Variants in CSMD1 observed in about 807,000 individuals in gnomAD.
The protein encoded by CSMD1 is CUB and Sushi multiple domains 1, also known as CUB and sushi domain-containing protein 1.
In CSMD1, 213 loss-of-function variants were observed where a neutral mutation model predicts 417.5. The ratio of observed to expected loss-of-function variants is 0.51; its 90% CI spans 0.46 to 0.57. The LOEUF (loss-of-function observed/expected upper bound fraction) is 0.57, where lower values mean the gene tolerates loss of function less well. CSMD1 is among the 20% of genes least tolerant of loss of function. The pLI is 0.00. For missense variants in CSMD1, 6,923 were observed against 4,529.7 expected (o/e 1.53, Z -15.17); for synonymous variants, 2,862 against 1,736.8 (o/e 1.65, Z -16.11).
chr8:4,081,525 C>T (rs2130814323), intron 3 of CSMD1, among the ~76,000 whole-genome samples: 1 of 152,254 alleles, frequency 6.6e-6, no homozygotes. Flanking sequence ...GGTCCCCCTA[C>T]CAACCACCGG....
intron 10 of CSMD1, among the ~76,000 whole-genome samples, chr8:3,522,052 A>G (rs1425759594): frequency 6.6e-6 from 1 of 152,114 alleles, no homozygotes; most frequent in African/African-American, 2.4e-5. Context: ...TGTGTGAATA[A>G]TTTTTCTCCT....
At chr8:3,509,444 T>G (rs942849584) in intron 10 of CSMD1, among the ~76,000 whole-genome samples, 1 of 152,222 alleles carries the variant, frequency 6.6e-6, no homozygotes, top group African/African-American at 2.4e-5. Flanking sequence ...GATTCTGCCT[T>G]CTATAGGCAA....
chr8:3,662,041 A>C lies in CSMD1; in HGVS notation c.1010-45244T>G, dbSNP rs556813096. On this transcript the variant is annotated intron_variant, in intron 7 of 69. Coordinates refer to ENST00000635120, the MANE Select transcript of CSMD1 (RefSeq NM_033225.6). The stretch of plus-strand genomic sequence containing the variant: ...GGGGGATTTTTACTCGAAGTCGTAG[A>C]AAACATGAAAGGCAACTGCTCAGTA... Among the ~76,000 whole-genome samples the C allele has an allele frequency of 5.3e-4, 80 of 152,312 alleles. 1 individual carries two copies. The highest frequency in any genetic ancestry group is 1.8e-3 in the African/African-American group (76 of 41,580).
rs77981800 is a variant in CSMD1 at position 2,973,320 on chromosome 8, C to T, written c.8741-21G>A. 1.8e-3 allele frequency: 2,860 copies of T among 1,608,698 alleles called. 39 individuals are homozygous for T. In the African/African-American group the frequency reaches 0.032, roughly 18 times the overall value. On this transcript the variant is annotated intron_variant, in intron 56 of 69. Coordinates refer to ENST00000635120, the MANE Select transcript of CSMD1 (RefSeq NM_033225.6). Reference sequence around the variant, plus strand: ...ATTTCCTATTGAAAACAAACACATACGGCAATCCACAATTGTGTTAGACTT... The same window carrying T: ...ATTTCCTATTGAAAACAAACACATATGGCAATCCACAATTGTGTTAGACTT...
intron 5 of CSMD1, among the ~76,000 whole-genome samples, chr8:3,846,851 A>C (rs4311674): frequency 2.0e-5 from 3 of 151,720 alleles, no homozygotes; most frequent in South Asian, 4.2e-4. Context: ...TTTTTTGTAT[A>C]TTTAGTGCAG....
At chr8:4,715,343 A>G (rs1808586171) in intron 1 of CSMD1, among the ~76,000 whole-genome samples, 1 of 152,222 alleles carries the variant, frequency 6.6e-6, no homozygotes, top group Admixed American at 6.5e-5. Context: ...AGAAATTTAC[A>G]AAGCAATGCT....
chr8:3,123,211 T>G (rs1268637990), intron 41 of CSMD1, among the ~76,000 whole-genome samples: 1 of 152,194 alleles, frequency 6.6e-6, no homozygotes, highest in Non-Finnish European at 1.5e-5. Flanking sequence ...ACCCCTCATC[T>G]GCATTCCCCC....
chr8:4,591,517 T>C (rs763346259), intron 2 of CSMD1, among the ~76,000 whole-genome samples: 18 of 152,080 alleles, frequency 1.2e-4, no homozygotes, highest in Non-Finnish European at 2.2e-4. Flanking sequence ...GTCACTGTGG[T>C]ATAGCGTGAT....
chr8:3,839,861 C>A, intron 5 of CSMD1, among the ~76,000 whole-genome samples: 1 of 151,802 alleles, frequency 6.6e-6, no homozygotes, highest in South Asian at 2.1e-4. Context: ...CTTCTACGGG[C>A]GGCAGTTTCT....
intron 3 of CSMD1, among the ~76,000 whole-genome samples, chr8:4,327,352 G>T (rs1253362195): frequency 6.6e-6 from 1 of 152,174 alleles, no homozygotes; most frequent in South Asian, 2.1e-4. Flanking sequence ...TAGGCAGAGA[G>T]TTAAAAGAAA....
At chr8:4,860,995 A>G (rs1802096933) in intron 1 of CSMD1, among the ~76,000 whole-genome samples, 1 of 152,044 alleles carries the variant, frequency 6.6e-6, no homozygotes, top group Admixed American at 6.6e-5. Flanking sequence ...TCACGTTCTC[A>G]CTACTATTGT....
At chr8:4,240,720 T>C (rs1275782986) in intron 3 of CSMD1, among the ~76,000 whole-genome samples, 3 of 152,206 alleles carry the variant, frequency 2.0e-5, no homozygotes, top group Non-Finnish European at 2.9e-5. Context: ...ATGCAGTTGA[T>C]GCCAATGTTG....
rs1810202884 is a variant in CSMD1 at position 3,932,270 on chromosome 8, G to A, written c.818+65633C>T. 2.0e-5 allele frequency among the ~76,000 whole-genome samples: 3 copies of A among 150,552 alleles called. 1 individual carries two copies. Among genetic ancestry groups the A allele is most frequent in the Non-Finnish European group, 4.4e-5 (3 of 67,564 alleles). ...GGAAAATCGACGAAAGTAATAGTTG[G>A]TTGAGAATTCTCAAGAAGTTTTGTT... On this transcript the variant is annotated intron_variant, in intron 5 of 69. Coordinates refer to ENST00000635120, the MANE Select transcript of CSMD1 (RefSeq NM_033225.6).
chr8:4,179,532 T>C (rs1175170099), intron 3 of CSMD1, among the ~76,000 whole-genome samples: 2 of 150,254 alleles, frequency 1.3e-5, no homozygotes, highest in Non-Finnish European at 1.5e-5. Context: ...AGACTTCATG[T>C]CTAAAACACC....
At chr8:3,212,359 A>C (rs188234981) in intron 30 of CSMD1, among the ~76,000 whole-genome samples, 1 of 152,202 alleles carries the variant, frequency 6.6e-6, no homozygotes, top group East Asian at 1.9e-4. Context: ...AAAACACAAA[A>C]AATAACGTTC....
At chr8:3,198,639 G>A (rs79737047) in intron 33 of CSMD1, among the ~76,000 whole-genome samples, 1 of 152,104 alleles carries the variant, frequency 6.6e-6, no homozygotes, top group Non-Finnish European at 1.5e-5. Flanking sequence ...CTCTTTAAAT[G>A]ATCTAATTGC....
In CSMD1 at chr8:4,025,555, C is replaced by T. The variant is rs115877468; in HGVS notation, c.610+6350G>A. 9.3e-3 allele frequency among the ~76,000 whole-genome samples: 1,420 copies of T among 152,166 alleles called. 19 individuals are homozygous for T. Among genetic ancestry groups the T allele is most frequent in the African/African-American group, 0.032 (1,333 of 41,490 alleles). The stretch of plus-strand genomic sequence containing the variant: ...TTCTTCTCTTTTTTCATATTTCTCC[C>T]CTAGACAGACATCATGCCTGTAAGA... On this transcript the variant is annotated intron_variant, in intron 4 of 69. Coordinates refer to ENST00000635120, the MANE Select transcript of CSMD1 (RefSeq NM_033225.6).
chr8:4,031,463 G>A (rs767557807), intron 4 of CSMD1, among the ~76,000 whole-genome samples: 46 of 152,048 alleles, frequency 3.0e-4, no homozygotes, highest in Admixed American at 1.1e-3. Context: ...TGATGAGAAC[G>A]GCACAGGAAA....
rs755238657 is a variant in CSMD1, at chr8:3,223,838, C to T, written c.4375G>A (p.Ala1459Thr). ...AACGGNLTGPAGVILSPNYPQ... is the reference protein window; with the variant it reads ...AACGGNLTGPTGVILSPNYPQ... ...TAGTTGGGTGACAAAATAACACCTG[C>T]TGGGCCCGTCAGATTCCCTCCACAA... The change falls in exon 28 of 70, where the codon GCA becomes ACA. Residue 1459 changes from alanine to threonine, a missense_variant. By Grantham distance (58) the Ala-to-Thr change is moderately conservative. Transcript: ENST00000635120. The T allele has an allele frequency of 5.5e-5, 89 of 1,613,700 alleles. No homozygotes were observed. Among genetic ancestry groups the T allele is most frequent in the Admixed American group, 2.3e-4 (14 of 59,986 alleles).
Sources: allele counts gnomAD v4.1 joint callset (sites outside exome capture counted in the v4.1 genomes callset), GRCh38; gene constraint gnomAD v4.1.1; transcripts MANE v1.5; gene names NCBI Gene and HGNC (gene_info 2026-07-23, HGNC 2026-07-21).